The following GALNT3 variants were observed in gnomAD, a reference collection of about 807,000 sequenced individuals.
GALNT3 encodes the protein polypeptide N-acetylgalactosaminyltransferase 3.
In GALNT3, 51 loss-of-function variants were observed where a neutral mutation model predicts 69.8. That is an observed-to-expected ratio of 0.73 (90% CI 0.58 to 0.92). The LOEUF (loss-of-function observed/expected upper bound fraction) is 0.92, where lower values mean the gene tolerates loss of function less well. Ranked by LOEUF, GALNT3 falls within the 40% of genes least tolerant of loss-of-function variation. The pLI, the probability that GALNT3 is intolerant of heterozygous loss-of-function variation, is 0.00. For synonymous variants in GALNT3, 265 were observed against 248.5 expected (o/e 1.07, Z -0.63); for missense variants, 711 against 760.0 (o/e 0.94, Z 0.76).
At chr2:165,756,668 T>C (rs1288134573) in intron 7 of GALNT3, among the ~76,000 whole-genome samples, 1 of 152,080 alleles carries the variant, frequency 6.6e-6, no homozygotes. Context: ...CCTGGTTTAT[T>C]CTCATGCCAC....
chr2:165,776,744 G>A (rs1682961896), intron 1 of GALNT3, among the ~76,000 whole-genome samples: 1 of 152,118 alleles, frequency 6.6e-6, no homozygotes, highest in Non-Finnish European at 1.5e-5. Flanking sequence ...TTAACTGGTT[G>A]TGACACTCGC....
At chr2:165,790,150 A>G (rs1683313946) in intron 1 of GALNT3, among the ~76,000 whole-genome samples, 1 of 152,182 alleles carries the variant, frequency 6.6e-6, no homozygotes, top group African/African-American at 2.4e-5. Flanking sequence ...AAAGAAAATT[A>G]GTTTGGACAG....
At chr2:165,758,168 A>C (rs1477651248) in intron 6 of GALNT3, among the ~76,000 whole-genome samples, 1 of 152,188 alleles carries the variant, frequency 6.6e-6, no homozygotes, top group East Asian at 1.9e-4. Context: ...CCAGAGCCAA[A>C]ACTTAAATCT....
rs1188381809 is a variant in GALNT3 at position 165,761,475 on chromosome 2, G to A, written c.838+430C>T. On this transcript the variant is annotated intron_variant, in intron 4 of 10. Coordinates refer to ENST00000392701, the MANE Select transcript of GALNT3 (RefSeq NM_004482.4). ...GATTCACCAACGCCGGCCTCCCAAA[G>A]TGCTGGGATTACAGGAATGAGCCAC... is the stretch of plus-strand genomic sequence containing the variant. Among the ~76,000 whole-genome samples, 5 of 152,192 alleles carry A rather than the reference G, an allele frequency of 3.3e-5. No homozygotes were observed. The East Asian group carries it at 9.7e-4, about 29-fold the overall frequency.
Position 165,770,752 on chromosome 2 carries a change from T to C in GALNT3, c.-52A>G. On this transcript the variant is annotated 5_prime_UTR_variant, in exon 2 of 11. Transcript: ENST00000392701. The stretch of plus-strand genomic sequence containing the variant: ...CAAATAACAGTTATTTCTTCTTCTG[T>C]TACTTATATTTTTTATCATAGATTT... The C allele has an allele frequency of 6.4e-7, 1 of 1,572,414 alleles. No homozygotes were observed. The highest frequency in any genetic ancestry group is 1.1e-5 in the South Asian group (1 of 87,160).
chr2:165,753,851 T>C (rs1243342658), intron 9 of GALNT3, among the ~76,000 whole-genome samples: 1 of 152,226 alleles, frequency 6.6e-6, no homozygotes, highest in Non-Finnish European at 1.5e-5. Context: ...GAGGAACATA[T>C]TGAAATAATA....
At chr2:165,778,124 A>G (rs937055863) in intron 1 of GALNT3, among the ~76,000 whole-genome samples, 2 of 152,208 alleles carry the variant, frequency 1.3e-5, no homozygotes, top group Admixed American at 6.5e-5. Context: ...AGTAATTATG[A>G]TACTACATTA....
rs753149443 is a variant in GALNT3 at position 165,757,017 on chromosome 2, T to C, written c.1392+30A>G. ...ACGTGTGAACTTGTTATAGATTTTA[T>C]TGCAATTTAACTACTTAGCTTTAAC... On this transcript the variant is annotated intron_variant, in intron 7 of 10. Coordinates refer to ENST00000392701, the MANE Select transcript of GALNT3 (RefSeq NM_004482.4). 2.4e-5 allele frequency: 36 copies of C among 1,529,816 alleles called. No individual in the cohort carries two copies. The East Asian group carries it at 7.2e-4, about 31-fold the overall frequency. 94.8% of individuals were successfully genotyped at this position (1,529,816 alleles called of 1,614,324 possible). A position where few individuals can be genotyped will look rare whatever the true frequency, so the allele number is the denominator to read the frequency against.
At chr2:165,765,130 C>T in intron 2 of GALNT3, 74 bp from the exon 3 acceptor site, 1 of 1,188,076 alleles carries the variant, frequency 8.4e-7, no homozygotes, top group Non-Finnish European at 1.2e-6. Context: ...CCATTGCTAA[C>T]ATTATCATTA....
intron 2 of GALNT3, among the ~76,000 whole-genome samples, chr2:165,769,299 G>A (rs1008139663): frequency 3.4e-5 from 5 of 147,504 alleles, no homozygotes; most frequent in African/African-American, 9.9e-5. Flanking sequence ...CCAGCTGCTC[G>A]GGAGCCTGAC....
intron 7 of GALNT3, among the ~76,000 whole-genome samples, chr2:165,756,519 T>G (rs1222467224): frequency 6.6e-6 from 1 of 152,144 alleles, no homozygotes; most frequent in African/African-American, 2.4e-5. Context: ...AGAAATATGT[T>G]AAGCATGCAC....
At chr2:165,776,267 C>T (rs746654898) in intron 1 of GALNT3, among the ~76,000 whole-genome samples, 13 of 152,102 alleles carry the variant, frequency 8.5e-5, no homozygotes, top group Middle Eastern at 6.8e-3. Flanking sequence ...AAAAACAGCT[C>T]GTGAAACAAA....
At position 165,764,986 on chromosome 2, in the gene GALNT3, CATTATGAAAAACT is replaced by C; in HGVS notation, c.573_585del (p.Ile191MetfsTer23). The C allele has an allele frequency of 6.2e-7, 1 of 1,614,146 alleles. No individual in the cohort carries two copies. Among genetic ancestry groups the C allele is most frequent in the Non-Finnish European group, 8.5e-7 (1 of 1,180,004 alleles). On this transcript the variant is annotated frameshift_variant, in exon 3 of 11. Transcript: ENST00000392701. LOFTEE classifies it high-confidence loss of function. Reference sequence around the variant, plus strand: ...GTTCTAAGCAACGTGGACCACGCTTCATTATGAAAAACTATTATGACACTGGTGGTGGGCAGGG... The same window carrying C: ...GTTCTAAGCAACGTGGACCACGCTTCATTATGACACTGGTGGTGGGCAGGG...
chr2:165,775,340 CT>C (rs2105424695), intron 1 of GALNT3, among the ~76,000 whole-genome samples: 1 of 152,168 alleles, frequency 6.6e-6, no homozygotes, highest in African/African-American at 2.4e-5. Context: ...TTTTTAAAAA[CT>C]TTTCAAAGCA....
At position 165,748,292 on chromosome 2, in the gene GALNT3, A is replaced by G. The variant is rs1296217357; in HGVS notation, c.*489T>C. On this transcript the variant is annotated 3_prime_UTR_variant, in exon 11 of 11. Transcript: ENST00000392701. ...GCAAAAAAAAGTTCACCTGCATTTT[A>G]AACTAATAAATTCTGGATCTGTAAA... 4.7e-6 allele frequency: 1 copy of G among 213,340 alleles called. No homozygotes were observed. The highest frequency in any genetic ancestry group is 7.0e-5 in the East Asian group (1 of 14,348). 13.2% of individuals were successfully genotyped at this position (213,340 alleles called of 1,614,324 possible). A position where few individuals can be genotyped will look rare whatever the true frequency, so the allele number is the denominator to read the frequency against.
intron 2 of GALNT3, among the ~76,000 whole-genome samples, chr2:165,769,561 C>A (rs1262546857): frequency 6.6e-6 from 1 of 151,808 alleles, no homozygotes; most frequent in African/African-American, 2.4e-5. Flanking sequence ...CAAGACCAGC[C>A]TGGGCAACAT....
intron 3 of GALNT3, among the ~76,000 whole-genome samples, chr2:165,763,162 G>C (rs1426496063): frequency 2.0e-5 from 3 of 151,934 alleles, no homozygotes; most frequent in Admixed American, 1.3e-4. Context: ...ATTTCTTATT[G>C]AGTACAAAAT....
At chr2:165,763,462 T>C (rs1256864252) in intron 3 of GALNT3, among the ~76,000 whole-genome samples, 1 of 152,214 alleles carries the variant, frequency 6.6e-6, no homozygotes, top group Non-Finnish European at 1.5e-5. Context: ...CTCAGAGTAA[T>C]AGATTAACTT....
chr2:165,788,051 A>G (rs979629461), intron 1 of GALNT3, among the ~76,000 whole-genome samples: 19 of 152,122 alleles, frequency 1.2e-4, no homozygotes, highest in Non-Finnish European at 2.1e-4. Flanking sequence ...AGATTGGGCC[A>G]GGCGCGGTGG....
Sources: gnomAD v4.1 joint callset for allele counts (sites outside exome capture counted in the v4.1 genomes callset) on GRCh38, gnomAD v4.1.1 for gene constraint, MANE v1.5 for transcripts, NCBI Gene and HGNC (gene_info 2026-07-23, HGNC 2026-07-21) for gene names.